The following MCM2 variants were observed in gnomAD, a reference collection of about 807,000 sequenced individuals.
MCM2 encodes DNA replication licensing factor MCM2.
In MCM2, 49 loss-of-function variants were observed where a neutral mutation model predicts 86.4. That is an observed-to-expected ratio of 0.57 (90% CI 0.45 to 0.72). MCM2 has a LOEUF of 0.72. MCM2 is among the 30% of genes least tolerant of loss of function. The pLI is 0.00. For missense variants in MCM2, 1,038 were observed against 1,259.9 expected (o/e 0.82, Z 2.67); for synonymous variants, 475 against 484.6 (o/e 0.98, Z 0.26).
chr3:127,620,998 T>A, intron 14 of MCM2, 75 bp from the exon 15 acceptor site: 1 of 1,584,542 alleles, frequency 6.3e-7, no homozygotes. Context: ...CTGACCTGGG[T>A]GCTGGCACGT....
Position 127,608,953 on chromosome 3 carries a change from T to C in MCM2, c.1358T>C (p.Val453Ala). The C allele has an allele frequency of 6.2e-7, 1 of 1,614,146 alleles. No homozygotes were observed. The highest frequency in any genetic ancestry group is 8.5e-7 in the Non-Finnish European group (1 of 1,180,028). The change falls in exon 8 of 16, where the codon GTA (valine) becomes GCA (alanine). Residue 453 changes from valine to alanine, a missense_variant. Physicochemically the swap from Val to Ala is moderately conservative, Grantham distance 64. This residue lies in a region of MCM2 where 399 missense variants were observed against 507.2 expected (regional missense o/e 0.79). Transcript: ENST00000265056. ...HVAKKDNKVA[V>A]GELTDEDVKM... ...GCCAAGAAGGACAACAAGGTTGCTG[T>C]AGGGGAACTGACCGATGAAGATGTG...
In MCM2 at chr3:127,604,663, G is replaced by T; in HGVS notation, c.292G>T (p.Asp98Tyr). Residue 98 changes from aspartate (D) to tyrosine (Y), a missense_variant, in exon 3 of 16, where the codon GAT (aspartate) becomes TAT (tyrosine). By Grantham distance (160) the Asp-to-Tyr change is radical. This residue lies in a region of MCM2 where 300 missense variants were observed against 307.4 expected (regional missense o/e 0.98). Transcript: ENST00000265056. ...DAYEAEGLAL[D>Y]DEDVEELTAS... ...CTATGAGGCCGAGGGACTGGCTCTG[G>T]ATGATGAGGACGTAGAGGAGCTGAC... 6.2e-7 allele frequency: 1 copy of T among 1,613,124 alleles called. No individual in the cohort carries two copies. The highest frequency in any genetic ancestry group is 8.5e-7 in the Non-Finnish European group (1 of 1,180,020).
rs376102107 is a variant in MCM2 at position 127,599,353 on chromosome 3, G to A, written c.42G>A (p.Pro14=). ...AATCCTTCACCATGGCATCCAGCCC[G>A]GCCCAGCGTCGGCGAGGCAATGATC... is the stretch of plus-strand genomic sequence containing the variant. ...SSESFTMASS[P]AQRRRGNDPL... Residue 14 remains proline, a synonymous_variant, in exon 2 of 16, where the codon CCG becomes CCA. Coordinates refer to ENST00000265056, the MANE Select transcript of MCM2 (RefSeq NM_004526.4). 1.3e-5 allele frequency: 21 copies of A among 1,614,150 alleles called. No homozygotes were observed. Among genetic ancestry groups the A allele is most frequent in the East Asian group, 4.5e-5 (2 of 44,886 alleles).
rs763152040 is a variant in MCM2, at chr3:127,604,881, C to G, written c.413-15C>G. Reference sequence around the variant, plus strand: ...TGGGGATGACCGCAGTAGCAGGTGTCTCTTGCCTCCCCAGACAGCGATGAG... The same window carrying G: ...TGGGGATGACCGCAGTAGCAGGTGTGTCTTGCCTCCCCAGACAGCGATGAG... On this transcript the variant is annotated splice_polypyrimidine_tract_variant and intron_variant, in intron 3 of 15. Coordinates refer to ENST00000265056, the MANE Select transcript of MCM2 (RefSeq NM_004526.4). 6.2e-7 allele frequency: 1 copy of G among 1,601,584 alleles called. No homozygotes were observed. Among genetic ancestry groups the G allele is most frequent in the East Asian group, 2.3e-5 (1 of 44,380 alleles).
intron 4 of MCM2, 42 bp downstream of exon 4, chr3:127,605,198 T>C: frequency 6.3e-7 from 1 of 1,591,838 alleles, no homozygotes; most frequent in Non-Finnish European, 8.6e-7. Flanking sequence ...CTGTAGCGCC[T>C]CCCTAAATCC....
At chr3:127,611,942 G>A (rs950150846) in intron 8 of MCM2, among the ~76,000 whole-genome samples, 3 of 144,196 alleles carry the variant, frequency 2.1e-5, no homozygotes, top group East Asian at 1.9e-4. Context: ...CTCGTGATCC[G>A]CCCGCCTCGG....
Position 127,617,597 on chromosome 3 carries a change from G to A in MCM2, c.1900+192G>A, listed in dbSNP as rs1559866920. On this transcript the variant is annotated intron_variant, in intron 11 of 15. Coordinates refer to ENST00000265056, the MANE Select transcript of MCM2 (RefSeq NM_004526.4). The surrounding 1 kb of genome is among the most constrained non-coding windows in gnomAD (Gnocchi z 4.1). ...GGGACCTGGGACACCTGGGTTTCCTGTTGAGTCATGTTCCTGGAATCACCT... is the reference window on the plus strand; with the variant it reads ...GGGACCTGGGACACCTGGGTTTCCTATTGAGTCATGTTCCTGGAATCACCT... 4.4e-6 allele frequency: 3 copies of A among 687,032 alleles called. No homozygotes were observed. Among genetic ancestry groups the A allele is most frequent in the Non-Finnish European group, 7.2e-6 (3 of 417,740 alleles). The allele number at this position is 687,032 out of a possible 1,614,324, so 42.6% of individuals were successfully genotyped here.
chr3:127,616,061 A>G, intron 9 of MCM2, 106 bp downstream of exon 9: 1 of 907,630 alleles, frequency 1.1e-6, no homozygotes, highest in South Asian at 1.4e-5. Flanking sequence ...CTGGGGAGAA[A>G]GAATGCATTA....
At chr3:127,607,979 A>G (rs1414612088) in intron 6 of MCM2, among the ~76,000 whole-genome samples, 1 of 152,246 alleles carries the variant, frequency 6.6e-6, no homozygotes, top group Non-Finnish European at 1.5e-5. Context: ...CTTAACATTT[A>G]TCAGATGCTG....
chr3:127,621,042 C>A (rs763951306), intron 14 of MCM2, 31 bp from the exon 15 acceptor site: 1 of 1,609,362 alleles, frequency 6.2e-7, no homozygotes, highest in Non-Finnish European at 8.5e-7. Context: ...GTAGTGGGAG[C>A]GGGTGTTTGA....
rs2074472392 is a variant in MCM2, at chr3:127,620,865, G to A, written c.2433G>A (p.Met811Ile). 1.2e-6 allele frequency: 2 copies of A among 1,607,142 alleles called. No individual in the cohort carries two copies. The highest frequency in any genetic ancestry group is 2.7e-5 in the African/African-American group (2 of 74,986). Residue 811 changes from methionine to isoleucine, a missense_variant, in exon 14 of 16, where the codon ATG becomes ATA. By Grantham distance (10) the Met-to-Ile change is conservative. Around this residue, in one of 4 missense-constraint regions of MCM2, gnomAD observed 336 missense variants for 425.7 expected, o/e 0.79. Transcript: ENST00000265056. ...TAGACACACAGAAGTTCAGCGTCAT[G>A]CGCAGCATGCGCAAGGTGGGTGTGC... ...SFIDTQKFSV[M>I]RSMRKTFARY...
chr3:127,610,478 T>A (rs2107690886), intron 8 of MCM2, among the ~76,000 whole-genome samples: 1 of 152,296 alleles, frequency 6.6e-6, no homozygotes, highest in East Asian at 1.9e-4. Flanking sequence ...GGAGCCCCCT[T>A]TCTTGGTTCC....
Position 127,599,420 on chromosome 3 carries a change from G to A in MCM2, c.109G>A (p.Ala37Thr). ...TGGCCGAAGCTCCCGGCGTACTGAT[G>A]CCCTCACCTCCAGCCCTGGCCGTGA... is the stretch of plus-strand genomic sequence containing the variant. Reference protein sequence around the residue: ...SPGRSSRRTDALTSSPGRDLP... With the variant: ...SPGRSSRRTDTLTSSPGRDLP... Residue 37 changes from alanine to threonine, a missense_variant, in exon 2 of 16, where the codon GCC (alanine) becomes ACC (threonine). Transcript: ENST00000265056. 1 of 1,614,140 alleles carries A rather than the reference G, an allele frequency of 6.2e-7. No homozygotes were observed.
At chr3:127,605,573 T>TG (rs2074340969) in intron 4 of MCM2, among the ~76,000 whole-genome samples, 1 of 151,596 alleles carries the variant, frequency 6.6e-6, no homozygotes, top group African/African-American at 2.4e-5. Context: ...CCCGAGTAGC[T>TG]GGAATTACAG....
intron 7 of MCM2, 101 bp downstream of exon 7, chr3:127,608,617 C>A: frequency 1.3e-6 from 2 of 1,485,272 alleles, no homozygotes; most frequent in East Asian, 2.3e-5. Flanking sequence ...CGCAGGGGCA[C>A]TCGGGCTAGG....
At position 127,616,990 on chromosome 3, in the gene MCM2, C is replaced by T; in HGVS notation, c.1645C>T (p.Gln549Ter). ...VSSRAIFTTG[Q>*]GASAVGLTAY... ...CAGCCGAGCCATCTTCACCACTGGC[C>T]AGGGGGCGTCGGCTGTGGGCCTCAC... The change falls in exon 10 of 16, where the codon CAG (glutamine) becomes TAG (stop). Residue 549 changes from glutamine to a stop codon, truncating the protein, a stop_gained. Coordinates refer to ENST00000265056, the MANE Select transcript of MCM2 (RefSeq NM_004526.4). LOFTEE classifies it high-confidence loss of function. 3 of 1,614,214 alleles carry T rather than the reference C, an allele frequency of 1.9e-6. No homozygotes were observed. Among genetic ancestry groups the T allele is most frequent in the South Asian group, 1.1e-5 (1 of 91,090 alleles).
At chr3:127,613,395 A>ATTATAC (rs1559865305) in intron 8 of MCM2, among the ~76,000 whole-genome samples, 1 of 152,208 alleles carries the variant, frequency 6.6e-6, no homozygotes, top group Non-Finnish European at 1.5e-5. Context: ...TAAGAGAGTC[A>ATTATAC]TTATACTTAC....
rs780354621 is a variant in MCM2 at position 127,599,540 on chromosome 3, A to G, written c.229A>G (p.Met77Val). The G allele has an allele frequency of 3.7e-6, 6 of 1,612,380 alleles. No individual in the cohort carries two copies. In the Admixed American group the frequency reaches 1.0e-4, roughly 27 times the overall value. ...EDGEELIGDGMERDYRAIPEL... is the reference protein window; with the variant it reads ...EDGEELIGDGVERDYRAIPEL... Reference sequence around the variant, plus strand: ...TGGAGAGGAGCTCATTGGAGATGGCATGGAAAGGTAATTTCATTCAAGGCC... The same window carrying G: ...TGGAGAGGAGCTCATTGGAGATGGCGTGGAAAGGTAATTTCATTCAAGGCC... The change falls in exon 2 of 16, where the codon ATG becomes GTG. Residue 77 changes from methionine to valine, a missense_variant. Met to Val is a conservative substitution (Grantham distance 21). Transcript: ENST00000265056.
chr3:127,602,934 A>G (rs897179977), intron 2 of MCM2, among the ~76,000 whole-genome samples: 1 of 150,760 alleles, frequency 6.6e-6, no homozygotes, highest in Non-Finnish European at 1.5e-5. Context: ...ATTTTTTCTT[A>G]TTGGGCGCAT....
Sources: allele counts gnomAD v4.1 joint callset (sites outside exome capture counted in the v4.1 genomes callset), GRCh38; gene constraint gnomAD v4.1.1; regional missense constraint gnomAD v4.1.1; non-coding constraint Gnocchi (gnomAD v3.1); transcripts MANE v1.5; gene names NCBI Gene and HGNC (gene_info 2026-07-23, HGNC 2026-07-21).